Variants in SDK1 observed in about 807,000 individuals in gnomAD.
SDK1 encodes sidekick cell adhesion molecule 1.
In SDK1, 157 loss-of-function variants were observed where a neutral mutation model predicts 245.5. That is an observed-to-expected ratio of 0.64 (90% CI 0.56 to 0.73). SDK1 has a LOEUF of 0.73. SDK1 is among the 30% of genes least tolerant of loss of function. SDK1 has a pLI of 0.00. For missense variants in SDK1, 3,583 were observed against 3,002.3 expected, an observed-to-expected ratio of 1.19 and a Z score of -4.52; for synonymous variants, 1,647 against 1,278.5, an observed-to-expected ratio of 1.29 and a Z score of -6.15.
At chr7:3,382,552 G>C (rs1781514045) in intron 1 of SDK1, among the ~76,000 whole-genome samples, 1 of 152,292 alleles carries the variant, frequency 6.6e-6, no homozygotes, top group East Asian at 1.9e-4. Flanking sequence ...ATTGCCCTAA[G>C]TGTTTTGATT....
intron 1 of SDK1, among the ~76,000 whole-genome samples, chr7:3,345,212 T>G (rs1021993950): frequency 2.6e-5 from 4 of 152,182 alleles, no homozygotes; most frequent in South Asian, 2.1e-4. Context: ...TTACGGATTT[T>G]ATAGTGAAAA....
rs183271919 is a variant in SDK1 at position 3,403,423 on chromosome 7, G to A, written c.298+101539G>A. On this transcript the variant is annotated intron_variant, in intron 1 of 44. Coordinates refer to ENST00000404826, the MANE Select transcript of SDK1 (RefSeq NM_152744.4). ...ATTGCTCATTTAAGGTTATTTGAAC[G>A]TTTTGACTATTTGATGGTGTTTTTT... Among the ~76,000 whole-genome samples the A allele has an allele frequency of 3.4e-3, 516 of 152,138 alleles. 1 individual carries two copies. The highest frequency in any genetic ancestry group is 6.2e-3 in the Non-Finnish European group (419 of 68,000).
chr7:4,065,694 G>GTTGTT (rs1779841876), intron 19 of SDK1, among the ~76,000 whole-genome samples: 5 of 66,710 alleles, frequency 7.5e-5, no homozygotes, highest in African/African-American at 1.7e-4. Flanking sequence ...AGTGGTTGTT[G>GTTGTT]TTTTTTTTTT....
chr7:3,669,969 C>T (rs1217053572), intron 4 of SDK1, among the ~76,000 whole-genome samples: 4 of 152,206 alleles, frequency 2.6e-5, no homozygotes, highest in Non-Finnish European at 4.4e-5. Flanking sequence ...AGGAATTATC[C>T]TTGATACTTC....
intron 1 of SDK1, among the ~76,000 whole-genome samples, chr7:3,616,682 A>G (rs1354949988): frequency 1.3e-5 from 2 of 152,224 alleles, no homozygotes; most frequent in East Asian, 3.9e-4. Flanking sequence ...TGTATTACTA[A>G]TATACCAATT....
intron 5 of SDK1, among the ~76,000 whole-genome samples, chr7:3,906,467 G>A (rs963596741): frequency 6.6e-6 from 1 of 151,870 alleles, no homozygotes; most frequent in African/African-American, 2.4e-5. Context: ...TACATTCATG[G>A]AACGCTCATG....
chr7:3,636,041 A>G (rs1301790457), intron 2 of SDK1, among the ~76,000 whole-genome samples: 1 of 152,134 alleles, frequency 6.6e-6, no homozygotes. Context: ...ATGTGCATAT[A>G]TTCATTTTTA....
Position 4,026,394 on chromosome 7 carries a change from G to T in SDK1, c.2602+9042G>T, listed in dbSNP as rs1322958423. Among the ~76,000 whole-genome samples, 3 of 152,188 alleles carry T rather than the reference G, an allele frequency of 2.0e-5. No homozygotes were observed. The highest frequency in any genetic ancestry group is 4.8e-5 in the African/African-American group (2 of 41,436). On this transcript the variant is annotated intron_variant, in intron 17 of 44. Transcript: ENST00000404826. The surrounding 1 kb of genome is among the most constrained non-coding windows in gnomAD (Gnocchi z 4.1). ...GAAGATATATTTTAGGAATGAAACT[G>T]GTATTTTGTGAATAGAAATAACATC...
intron 29 of SDK1, among the ~76,000 whole-genome samples, chr7:4,146,693 G>A (rs1780006907): frequency 2.0e-5 from 3 of 152,238 alleles, no homozygotes; most frequent in African/African-American, 7.2e-5. Flanking sequence ...CAGGTGCTCA[G>A]TAAGTAAGTT....
chr7:3,506,642 T>A (rs947813765), intron 1 of SDK1, among the ~76,000 whole-genome samples: 1 of 152,174 alleles, frequency 6.6e-6, no homozygotes, highest in East Asian at 1.9e-4. Context: ...CTTACAGTCT[T>A]CCTCCCCCTG....
At chr7:4,196,010 C>T (rs1232669063) in intron 35 of SDK1, among the ~76,000 whole-genome samples, 1 of 152,190 alleles carries the variant, frequency 6.6e-6, no homozygotes, top group African/African-American at 2.4e-5. Flanking sequence ...TGAATAGTTA[C>T]AGTGAAGCCC....
At chr7:3,421,469 T>G (rs1779533359) in intron 1 of SDK1, among the ~76,000 whole-genome samples, 1 of 152,194 alleles carries the variant, frequency 6.6e-6, no homozygotes, top group Admixed American at 6.5e-5. Context: ...AAAACTGCAT[T>G]TTTATAATTT....
intron 25 of SDK1, among the ~76,000 whole-genome samples, chr7:4,122,341 G>C (rs1356399303): frequency 1.3e-5 from 2 of 152,164 alleles, no homozygotes; most frequent in African/African-American, 4.8e-5. Flanking sequence ...AGATGGGGAG[G>C]TGAAGGGGTT....
At chr7:3,804,213 TAC>T (rs1396508135) in intron 4 of SDK1, among the ~76,000 whole-genome samples, 1 of 152,360 alleles carries the variant, frequency 6.6e-6, no homozygotes, top group South Asian at 2.1e-4. Context: ...CTAAAAATTT[TAC>T]AGTTTTACAA....
At chr7:4,193,652 T>G (rs1334581088) in intron 35 of SDK1, among the ~76,000 whole-genome samples, 1 of 152,068 alleles carries the variant, frequency 6.6e-6, no homozygotes, top group Non-Finnish European at 1.5e-5. Flanking sequence ...GCACCTTAAC[T>G]TGCAGGTCAG....
At chr7:3,896,882 T>G (rs1256725039) in intron 5 of SDK1, among the ~76,000 whole-genome samples, 4 of 152,278 alleles carry the variant, frequency 2.6e-5, no homozygotes, top group South Asian at 4.2e-4. Context: ...TACCTGAGAC[T>G]GGGTAATTTA....
intron 1 of SDK1, among the ~76,000 whole-genome samples, chr7:3,400,232 A>G (rs917075843): frequency 6.6e-6 from 1 of 152,186 alleles, no homozygotes; most frequent in Admixed American, 6.5e-5. Flanking sequence ...TTAAAATGCC[A>G]TGAACCAAGC....
intron 22 of SDK1, among the ~76,000 whole-genome samples, chr7:4,103,043 C>T (rs1369656841): frequency 6.6e-6 from 1 of 151,110 alleles, no homozygotes; most frequent in Non-Finnish European, 1.5e-5. Context: ...CTCTGTCACC[C>T]AGGCTGGAGT....
chr7:3,484,628 T>C (rs1476812882), intron 1 of SDK1, among the ~76,000 whole-genome samples: 1 of 152,216 alleles, frequency 6.6e-6, no homozygotes, highest in Admixed American at 6.5e-5. Context: ...ACTGTGGTTT[T>C]GTATCCATAA....
Sources: allele counts gnomAD v4.1 joint callset (sites outside exome capture counted in the v4.1 genomes callset), GRCh38; gene constraint gnomAD v4.1.1; non-coding constraint Gnocchi (gnomAD v3.1); transcripts MANE v1.5; gene names NCBI Gene and HGNC (gene_info 2026-07-23, HGNC 2026-07-21).